Variants in HECW2 observed in about 807,000 individuals in gnomAD.
HECW2 encodes HECT, C2 and WW domain containing E3 ubiquitin protein ligase 2, also known as E3 ubiquitin-protein ligase HECW2.
HECW2 carries 61 observed loss-of-function variants against 175.2 expected under a neutral mutation model. The observed-to-expected ratio is 0.35, with a 90% confidence interval of 0.28 to 0.43. HECW2 has a LOEUF of 0.43. Among genes scored for constraint, HECW2 ranks in the 20% least tolerant of loss-of-function variants. The pLI is 1.00. For synonymous variants in HECW2, 671 were observed against 731.0 expected (o/e 0.92, Z 1.32); for missense variants, 1,524 against 2,000.5 (o/e 0.76, Z 4.54).
intron 2 of HECW2, among the ~76,000 whole-genome samples, chr2:196,376,302 T>G (rs1048524038): frequency 6.6e-6 from 1 of 152,106 alleles, no homozygotes; most frequent in African/African-American, 2.4e-5. Context: ...TACTGAGAAG[T>G]AAAAAACAAG....
chr2:196,500,741 C>T (rs1238891512), intron 1 of HECW2, among the ~76,000 whole-genome samples: 1 of 152,172 alleles, frequency 6.6e-6, no homozygotes, highest in Non-Finnish European at 1.5e-5. Context: ...CATTTGAAAA[C>T]AACTTATCTA....
At chr2:196,502,827 T>C (rs1019291593) in intron 1 of HECW2, among the ~76,000 whole-genome samples, 1 of 152,206 alleles carries the variant, frequency 6.6e-6, no homozygotes, top group Non-Finnish European at 1.5e-5. Flanking sequence ...AAAACAGGCA[T>C]GGGCAATGTT....
At chr2:196,259,302 T>C (rs1342155109) in intron 17 of HECW2, among the ~76,000 whole-genome samples, 1 of 152,194 alleles carries the variant, frequency 6.6e-6, no homozygotes, top group Non-Finnish European at 1.5e-5. Flanking sequence ...ATTCCCAAAT[T>C]TGAAATATTT....
chr2:196,197,643 A>G lies in HECW2; in HGVS notation c.*3634T>C, dbSNP rs1686733944. The G allele has an allele frequency of 6.6e-6, 1 of 152,216 alleles. No homozygotes were observed. 9.4% of individuals were successfully genotyped at this position (152,216 alleles called of 1,614,324 possible). ...AAGAAAGTGAGAGTTTGGAGGAAGC[A>G]TCTTGGAAACCTCACTGAATGTGGA... is the stretch of plus-strand genomic sequence containing the variant. On this transcript the variant is annotated 3_prime_UTR_variant, in exon 29 of 29. Transcript: ENST00000644978.
chr2:196,354,663 T>C (rs1693298055), intron 2 of HECW2, among the ~76,000 whole-genome samples: 1 of 152,244 alleles, frequency 6.6e-6, no homozygotes. Flanking sequence ...GAGATCTCCA[T>C]CTTATTCAGT....
intron 1 of HECW2, among the ~76,000 whole-genome samples, chr2:196,510,078 T>C (rs548652732): frequency 6.6e-6 from 1 of 152,342 alleles, no homozygotes; most frequent in African/African-American, 2.4e-5. Flanking sequence ...ACCATTGTAC[T>C]GCTAGTCTAG....
intron 2 of HECW2, among the ~76,000 whole-genome samples, chr2:196,376,617 C>A (rs144544775): frequency 0.024 from 3,152 of 133,726 alleles, 104 homozygotes; most frequent in African/African-American, 0.083. Flanking sequence ...GCCTGGGCAA[C>A]AGAGCAAGAC....
intron 2 of HECW2, among the ~76,000 whole-genome samples, chr2:196,431,439 A>C (rs575193542): frequency 2.6e-5 from 4 of 152,338 alleles, no homozygotes; most frequent in African/African-American, 9.6e-5. Flanking sequence ...AAATCATCTT[A>C]TATGAGAAAG....
intron 2 of HECW2, among the ~76,000 whole-genome samples, chr2:196,417,318 T>C (rs1031473284): frequency 1.3e-5 from 2 of 152,214 alleles, no homozygotes; most frequent in Non-Finnish European, 2.9e-5. Flanking sequence ...ATTTAAAACA[T>C]AGAATTGTGG....
At chr2:196,511,213 GATAATCATATAGGTACA>G in intron 1 of HECW2, among the ~76,000 whole-genome samples, 1 of 152,298 alleles carries the variant, frequency 6.6e-6, no homozygotes, top group East Asian at 1.9e-4. Context: ...TAACCTGACT[GATAATCATATAGGTACA>G]ATAAATATTT....
At chr2:196,460,542 C>T (rs1575568312) in intron 1 of HECW2, among the ~76,000 whole-genome samples, 1 of 147,912 alleles carries the variant, frequency 6.8e-6, no homozygotes, top group East Asian at 2.0e-4. Flanking sequence ...GAGCAGAGAA[C>T]ATATAATTTC....
intron 1 of HECW2, among the ~76,000 whole-genome samples, chr2:196,569,745 C>T (rs566256709): frequency 4.6e-5 from 7 of 152,378 alleles, no homozygotes; most frequent in Admixed American, 3.9e-4. Flanking sequence ...CATAAATGAG[C>T]TGTGTGAACT....
At chr2:196,322,100 C>T (rs556460212) in intron 7 of HECW2, among the ~76,000 whole-genome samples, 1 of 152,222 alleles carries the variant, frequency 6.6e-6, no homozygotes, top group East Asian at 1.9e-4. Flanking sequence ...TTCCGTTTTT[C>T]AAGAGTAACA....
At chr2:196,228,384 AAAAC>A (rs766857393) in intron 21 of HECW2, 130 bp from the exon 22 acceptor site, 37 of 757,864 alleles carry the variant, frequency 4.9e-5, no homozygotes, top group Non-Finnish European at 7.5e-5. Context: ...AGAGCTGTCC[AAAAC>A]AAACTGAATG....
At chr2:196,349,425 G>A (rs1410206569) in intron 2 of HECW2, among the ~76,000 whole-genome samples, 2 of 152,010 alleles carry the variant, frequency 1.3e-5, no homozygotes, top group East Asian at 3.8e-4. Context: ...TGTTTGGTAG[G>A]CTTTATATTA....
intron 2 of HECW2, among the ~76,000 whole-genome samples, chr2:196,420,910 G>A (rs960291665): frequency 7.2e-5 from 11 of 152,042 alleles, no homozygotes; most frequent in African/African-American, 2.4e-4. Context: ...ATTAAATGTC[G>A]TCAACAATAA....
At chr2:196,553,052 G>A (rs1689658516) in intron 1 of HECW2, among the ~76,000 whole-genome samples, 1 of 152,166 alleles carries the variant, frequency 6.6e-6, no homozygotes, top group South Asian at 2.1e-4. Context: ...AGGGCCAAAG[G>A]GGAAAATATC....
intron 1 of HECW2, among the ~76,000 whole-genome samples, chr2:196,477,874 A>C (rs1287076940): frequency 1.3e-5 from 2 of 152,184 alleles, no homozygotes; most frequent in African/African-American, 2.4e-5. Flanking sequence ...CAACATGGCG[A>C]AACCCCGTCT....
intron 17 of HECW2, among the ~76,000 whole-genome samples, chr2:196,267,103 T>C (rs1689547847): frequency 6.6e-6 from 1 of 152,186 alleles, no homozygotes; most frequent in South Asian, 2.1e-4. Context: ...GGAAACAGCC[T>C]GCTGCCAAAA....
Sources: allele counts gnomAD v4.1 joint callset (sites outside exome capture counted in the v4.1 genomes callset), GRCh38; gene constraint gnomAD v4.1.1; transcripts MANE v1.5; gene names NCBI Gene and HGNC (gene_info 2026-07-23, HGNC 2026-07-21).